Variants in KIF9 observed in about 807,000 individuals in gnomAD.
The protein encoded by KIF9 is kinesin family member 9.
In KIF9, 68 loss-of-function variants were observed where a neutral mutation model predicts 94.8. The observed-to-expected ratio is 0.72, with a 90% CI of 0.59 to 0.88. The LOEUF is 0.88. Among genes scored for constraint, KIF9 ranks in the 40% least tolerant of loss-of-function variants. KIF9 has a pLI of 0.00. For synonymous variants in KIF9, 343 were observed against 362.1 expected, an observed-to-expected ratio of 0.95 and a Z score of 0.60; for missense variants, 882 against 982.5, an observed-to-expected ratio of 0.90 and a Z score of 1.37.
intron 10 of KIF9, among the ~76,000 whole-genome samples, chr3:47,249,695 C>T (rs1046692907): frequency 2.0e-5 from 3 of 152,154 alleles, no homozygotes; most frequent in Admixed American, 2.0e-4. Flanking sequence ...TTCCAAGACT[C>T]ATTCACTTAC....
intron 18 of KIF9, 52 bp from the exon 19 acceptor site, chr3:47,236,201 C>G (rs750705193): frequency 1.9e-5 from 25 of 1,326,014 alleles, no homozygotes; most frequent in Non-Finnish European, 2.6e-5. Context: ...GGGCTGTGTG[C>G]TGTCATCTGT....
intron 10 of KIF9, among the ~76,000 whole-genome samples, chr3:47,248,965 G>A (rs1315113966): frequency 6.6e-6 from 1 of 152,000 alleles, no homozygotes; most frequent in African/African-American, 2.4e-5. Flanking sequence ...CACACTCCTG[G>A]GCTCAGGCAA....
intron 20 of KIF9, chr3:47,231,786 T>A (rs939620497): frequency 6.6e-6 from 1 of 152,174 alleles, no homozygotes. Flanking sequence ...TGCTGCTCTA[T>A]GGGACCTTCA....
At chr3:47,231,570 A>C (rs1371061715) in intron 20 of KIF9, among the ~76,000 whole-genome samples, 9 of 151,728 alleles carry the variant, frequency 5.9e-5, no homozygotes, top group Non-Finnish European at 8.8e-5. Context: ...ACAGGCATGC[A>C]CCACCATGGC....
chr3:47,244,603 A>G (rs1351298086), intron 15 of KIF9, 188 bp downstream of exon 15: 7 of 670,662 alleles, frequency 1.0e-5, no homozygotes, highest in Non-Finnish European at 1.3e-5. Flanking sequence ...ACGAGAGATG[A>G]TTCTTGTGCG....
chr3:47,247,645 C>A (rs1421843816), intron 11 of KIF9, among the ~76,000 whole-genome samples, 168 bp from the exon 12 acceptor site: 1 of 152,174 alleles, frequency 6.6e-6, no homozygotes, highest in Non-Finnish European at 1.5e-5. Flanking sequence ...CCTGACACAA[C>A]AGGCCAGGTG....
intron 5 of KIF9, among the ~76,000 whole-genome samples, chr3:47,268,112 C>A (rs542903635): frequency 1.2e-4 from 18 of 152,196 alleles, no homozygotes; most frequent in African/African-American, 4.3e-4. Context: ...TTCAAGAGAT[C>A]TGCCCGCCTC....
intron 16 of KIF9, among the ~76,000 whole-genome samples, chr3:47,242,236 A>T (rs1699622626): frequency 2.0e-5 from 3 of 152,132 alleles, no homozygotes; most frequent in African/African-American, 4.8e-5. Context: ...TTTACATCTT[A>T]CTTTTTTCAA....
intron 17 of KIF9, chr3:47,238,640 T>A (rs946919171): frequency 2.0e-5 from 3 of 152,068 alleles, no homozygotes; most frequent in African/African-American, 7.2e-5. Context: ...AAATGGGGTT[T>A]TTTTTTTAAT....
intron 10 of KIF9, among the ~76,000 whole-genome samples, chr3:47,250,032 G>A (rs1387551346): frequency 1.3e-5 from 2 of 151,420 alleles, no homozygotes; most frequent in African/African-American, 4.9e-5. Flanking sequence ...CTGAGCAATA[G>A]AGCGAGTCAC....
At chr3:47,270,919 G>A (rs899549179) in intron 5 of KIF9, among the ~76,000 whole-genome samples, 5 of 146,074 alleles carry the variant, frequency 3.4e-5, no homozygotes, top group Non-Finnish European at 7.4e-5. Context: ...TGGGAAGATC[G>A]CTTGAGCCCA....
intron 6 of KIF9, 22 bp from the exon 7 acceptor site, chr3:47,267,090 G>A (rs1701334897): frequency 6.2e-7 from 1 of 1,609,438 alleles, no homozygotes; most frequent in African/African-American, 1.3e-5. Context: ...CCAAGCAGAA[G>A]TTAGACTGTC....
chr3:47,236,332 C>T (rs1415439873), intron 18 of KIF9, 111 bp downstream of exon 18: 2 of 1,263,324 alleles, frequency 1.6e-6, no homozygotes, highest in East Asian at 4.8e-5. Flanking sequence ...CCTGCCCAGC[C>T]CCTGGCTCTG....
At chr3:47,270,124 G>A (rs1419752856) in intron 5 of KIF9, among the ~76,000 whole-genome samples, 2 of 151,476 alleles carry the variant, frequency 1.3e-5, no homozygotes, top group Non-Finnish European at 2.9e-5. Flanking sequence ...AGCTGGTCTC[G>A]AACTCCTGAC....
In KIF9 at chr3:47,264,324, TC is replaced by T; in HGVS notation, c.942del (p.Thr315GlnfsTer10). ...SLGGNCNMVL[V>X]TNIYGEAAQL... is the part of the protein sequence containing the mutation. ...TGGGCAGCTTCTCCATAGATGTTTG[TC>T]ACGAGGACCATATTGCAGTTTCCCC... On this transcript the variant is annotated frameshift_variant, in exon 9 of 21. Transcript: ENST00000684063. LOFTEE classifies it high-confidence loss of function. 6.2e-7 allele frequency: 1 copy of T among 1,613,878 alleles called. No homozygotes were observed. Among genetic ancestry groups the T allele is most frequent in the Non-Finnish European group, 8.5e-7 (1 of 1,179,732 alleles).
At chr3:47,241,647 G>GTATATATATATA (rs1239283454) in intron 16 of KIF9, among the ~76,000 whole-genome samples, 5 of 143,340 alleles carry the variant, frequency 3.5e-5, no homozygotes, top group African/African-American at 1.3e-4. Context: ...GTGTGTGTGT[G>GTATATATATATA]TGTATATATA....
In KIF9 at chr3:47,248,103, T is replaced by C. The variant is rs1352108945; in HGVS notation, c.1060-17A>G. On this transcript the variant is annotated splice_polypyrimidine_tract_variant and intron_variant, in intron 10 of 20. Coordinates refer to ENST00000684063, the MANE Select transcript of KIF9 (RefSeq NM_182902.4). ...GACCATTCTCTGCCGGGAAACATGG[T>C]AGGGTGGGGGCCGACAGGAAGGATC... 6.2e-7 allele frequency: 1 copy of C among 1,604,362 alleles called. No individual in the cohort carries two copies. Among genetic ancestry groups the C allele is most frequent in the Non-Finnish European group, 8.5e-7 (1 of 1,171,954 alleles).
Position 47,275,452 on chromosome 3 carries a change from T to C in KIF9, c.132A>G (p.Gly44=). ...AGTCTGTCTGTTGGTTATTGACAAC[T>C]CCTCTCCGAATGTCTTTTTTTAAGT... The part of the protein sequence containing the change: ...DIHLKKDIRR[G]VVNNQQTDWS... Residue 44 remains glycine, a synonymous_variant, in exon 3 of 21, where the codon GGA becomes GGG. Coordinates refer to ENST00000684063, the MANE Select transcript of KIF9 (RefSeq NM_182902.4). 6.2e-7 allele frequency: 1 copy of C among 1,611,420 alleles called. No individual in the cohort carries two copies. Among genetic ancestry groups the C allele is most frequent in the Non-Finnish European group, 8.5e-7 (1 of 1,179,034 alleles).
At chr3:47,262,074 G>T (rs1461761678) in intron 9 of KIF9, among the ~76,000 whole-genome samples, 1 of 152,142 alleles carries the variant, frequency 6.6e-6, no homozygotes, top group African/African-American at 2.4e-5. Flanking sequence ...CCTGGGCAGA[G>T]AACCCAAGTG....
Sources: allele counts gnomAD v4.1 joint callset (sites outside exome capture counted in the v4.1 genomes callset), GRCh38; gene constraint gnomAD v4.1.1; transcripts MANE v1.5; gene names NCBI Gene and HGNC (gene_info 2026-07-23, HGNC 2026-07-21).